CNTD1: variants seen among roughly 807,000 people sequenced by gnomAD.
CNTD1 encodes cyclin N-terminal domain-containing protein 1.
In CNTD1, 17 loss-of-function variants were observed where a neutral mutation model predicts 36.3. The ratio of observed to expected loss-of-function variants is 0.47; its 90% confidence interval spans 0.32 to 0.70. The LOEUF is 0.70. Ranked by LOEUF, CNTD1 falls within the 30% of genes least tolerant of loss-of-function variation. The pLI is 0.03. For missense variants in CNTD1, 338 were observed against 386.1 expected (o/e 0.88, Z 1.04); for synonymous variants, 128 against 153.3 (o/e 0.83, Z 1.22).
intron 6 of CNTD1, among the ~76,000 whole-genome samples, chr17:42,808,553 TAAAA>T (rs775660371): frequency 2.0e-5 from 2 of 99,912 alleles, no homozygotes. Flanking sequence ...CCCATCTCAT[TAAAA>T]AAAAAAAAAA....
rs535342634 is a variant in CNTD1 at position 42,799,204 on chromosome 17, G to T, written c.137G>T (p.Arg46Leu). 5.6e-6 allele frequency: 9 copies of T among 1,613,986 alleles called. No individual in the cohort carries two copies. In the African/African-American group the frequency reaches 1.1e-4, roughly 19 times the overall value. The change falls in exon 1 of 7, where the codon CGG becomes CTG. Residue 46 changes from arginine to leucine, a missense_variant. Transcript: ENST00000588408. Reference sequence around the variant, plus strand: ...CAAGCAGTGAGGGAGGCTTCGGGGCGGCTGGGCCGCTTCAGGGAGCCCCAG... The same window carrying T: ...CAAGCAGTGAGGGAGGCTTCGGGGCTGCTGGGCCGCTTCAGGGAGCCCCAG... ...NEQAVREASG[R>L]LGRFREPQIV... is the part of the protein sequence containing the mutation.
At chr17:42,798,790 G>A, upstream of CNTD1, 3 of 1,462,878 alleles carry the variant, frequency 2.1e-6, no homozygotes, top group Non-Finnish European at 2.7e-6. Flanking sequence ...CCTTTGCGGG[G>A]CAGAGCCGCG....
At position 42,804,378 on chromosome 17, in the gene CNTD1, A is replaced by G. The variant is rs2054843226; in HGVS notation, c.399A>G (p.Lys133=). 2 of 1,613,964 alleles carry G rather than the reference A, an allele frequency of 1.2e-6. No homozygotes were observed. The highest frequency in any genetic ancestry group is 1.7e-6 in the Non-Finnish European group (2 of 1,179,902). The change falls in exon 3 of 7, where the codon AAA becomes AAG. Residue 133 remains lysine, a synonymous_variant. Coordinates refer to ENST00000588408, the MANE Select transcript of CNTD1 (RefSeq NM_173478.3). The part of the protein sequence containing the change: ...RLVSCVQLAS[K]LSFRNKIISN... ...TGTCATGTGTTCAGCTGGCCAGCAA[A>G]CTTTCCTTCCGAAACAAAGTAAGGA...
rs145896591 is a variant in CNTD1 at position 42,799,187 on chromosome 17, G to A, written c.120G>A (p.Val40=). The change falls in exon 1 of 7, where the codon GTG becomes GTA. Residue 40 remains valine, a synonymous_variant. Transcript: ENST00000588408. ...TGGCCCAGCAGAATGAGCAAGCAGT[G>A]AGGGAGGCTTCGGGGCGGCTGGGCC... ...LHLAQQNEQA[V]REASGRLGRF... The A allele has an allele frequency of 6.8e-6, 11 of 1,614,032 alleles. No homozygotes were observed. In the Admixed American group the frequency reaches 1.3e-4, roughly 20 times the overall value.
rs756525112 is a variant in CNTD1, at chr17:42,809,404, G to A, written c.862G>A (p.Ala288Thr). The change falls in exon 7 of 7, where the codon GCA becomes ACA. Residue 288 changes from alanine (A) to threonine (T), a missense_variant. Coordinates refer to ENST00000588408, the MANE Select transcript of CNTD1 (RefSeq NM_173478.3). ...GCAGAGCATCACTGGTATTGCCTTG[G>A]CAAGCATTGCTGAGTTCTCTTATGC... ...HLQSITGIAL[A>T]SIAEFSYAIL... is the part of the protein sequence containing the mutation. 1 of 1,614,092 alleles carries A rather than the reference G, an allele frequency of 6.2e-7. No individual in the cohort carries two copies. Among genetic ancestry groups the A allele is most frequent in the Admixed American group, 1.7e-5 (1 of 60,018 alleles).
upstream of CNTD1, chr17:42,798,787 G>A (rs551890376): frequency 6.8e-7 from 1 of 1,467,280 alleles, no homozygotes; most frequent in Middle Eastern, 2.4e-4. Flanking sequence ...TGCCCTTTGC[G>A]GGGCAGAGCC....
At chr17:42,801,506 A>ATAT in intron 1 of CNTD1, among the ~76,000 whole-genome samples, 2 of 52,724 alleles carry the variant, frequency 3.8e-5, no homozygotes, top group African/African-American at 1.6e-4. Context: ...AAAAAAAAAA[A>ATAT]AAAAATATAT....
Position 42,809,446 on chromosome 17 carries a change from G to A in CNTD1, c.904G>A (p.Val302Met), listed in dbSNP as rs764343401. 1.2e-6 allele frequency: 2 copies of A among 1,614,080 alleles called. No individual in the cohort carries two copies. The highest frequency in any genetic ancestry group is 1.3e-5 in the African/African-American group (1 of 74,948). The change falls in exon 7 of 7, where the codon GTG (valine) becomes ATG (methionine). Residue 302 changes from valine (V) to methionine (M), a missense_variant. Physicochemically the swap from Val to Met is conservative, Grantham distance 21. Transcript: ENST00000588408. ...EFSYAILTHG[V>M]GANTPGRQQS... ...CTCTTATGCAATCCTGACTCACGGA[G>A]TGGGAGCCAACACTCCGGGGAGACA...
rs201778369 is a variant in CNTD1, at chr17:42,799,199, G to C, written c.132G>C (p.Ser44=). ...ATGAGCAAGCAGTGAGGGAGGCTTC[G>C]GGGCGGCTGGGCCGCTTCAGGGAGC... ...QQNEQAVREA[S]GRLGRFREPQ... is the part of the protein sequence containing the mutation. Residue 44 remains serine, a synonymous_variant, in exon 1 of 7, where the codon TCG becomes TCC. Transcript: ENST00000588408. The C allele has an allele frequency of 9.3e-6, 15 of 1,613,978 alleles. No individual in the cohort carries two copies. The highest frequency in any genetic ancestry group is 1.2e-5 in the Non-Finnish European group (14 of 1,179,956).
chr17:42,799,030 C>T lies in CNTD1; in HGVS notation c.-38C>T, dbSNP rs773826186. Reference sequence around the variant, plus strand: ...AGCTAAGGGGGTCGGTATGTGGATCCAGTGAACCCGTCCAGGTGCCCCAAG... The same window carrying T: ...AGCTAAGGGGGTCGGTATGTGGATCTAGTGAACCCGTCCAGGTGCCCCAAG... On this transcript the variant is annotated 5_prime_UTR_variant, in exon 1 of 7. It introduces an in-frame stop codon into an upstream open reading frame of the 5' UTR. Coordinates refer to ENST00000588408, the MANE Select transcript of CNTD1 (RefSeq NM_173478.3). 8.0e-5 allele frequency: 128 copies of T among 1,608,208 alleles called. No individual in the cohort carries two copies. Among genetic ancestry groups the T allele is most frequent in the Admixed American group, 2.4e-4 (14 of 59,046 alleles).
chr17:42,811,024 ATCTATTAAAGAACACTTGGTG>A lies in CNTD1; in HGVS notation c.*1490_*1510del, dbSNP rs2054990213. The A allele has an allele frequency of 2.3e-6, 3 of 1,280,186 alleles. No homozygotes were observed. The highest frequency in any genetic ancestry group is 3.2e-6 in the Non-Finnish European group (3 of 950,100). The allele number at this position is 1,280,186 out of a possible 1,614,324, so 79.3% of individuals were successfully genotyped here. On this transcript the variant is annotated 3_prime_UTR_variant, in exon 7 of 7. Coordinates refer to ENST00000588408, the MANE Select transcript of CNTD1 (RefSeq NM_173478.3). ...ATCATGGGACCATTCACGTCATTTT[ATCTATTAAAGAACACTTGGTG>A]AGGAATGATAGTGTATTTTGGATTT...
Position 42,810,996 on chromosome 17 carries a change from T to C in CNTD1, c.*1461T>C. On this transcript the variant is annotated 3_prime_UTR_variant, in exon 7 of 7. Coordinates refer to ENST00000588408, the MANE Select transcript of CNTD1 (RefSeq NM_173478.3). ...AGTTAAGTAAGTTCGGGGCAGGGAC[T>C]TGATCATGGGACCATTCACGTCATT... The C allele has an allele frequency of 1.4e-6, 2 of 1,435,182 alleles. No homozygotes were observed. Among genetic ancestry groups the C allele is most frequent in the Admixed American group, 2.3e-5 (1 of 44,310 alleles). 88.9% of individuals were successfully genotyped at this position (1,435,182 alleles called of 1,614,324 possible).
rs1250027421 is a variant in CNTD1, at chr17:42,799,827, A to G, written c.169+591A>G. Among the ~76,000 whole-genome samples the G allele has an allele frequency of 7.2e-5, 9 of 124,476 alleles. No individual in the cohort carries two copies. The Admixed American group carries it at 7.5e-4, about 10-fold the overall frequency. 81.7% of individuals were successfully genotyped at this position (124,476 alleles called of 152,430 possible). ...ACGCCTGTAATCCCAGCATTTTGGG[A>G]GGCTGAGGCGGGCAGATCACGAGGT... is the stretch of plus-strand genomic sequence containing the variant. On this transcript the variant is annotated intron_variant, in intron 1 of 6. Coordinates refer to ENST00000588408, the MANE Select transcript of CNTD1 (RefSeq NM_173478.3).
intron 1 of CNTD1, among the ~76,000 whole-genome samples, chr17:42,803,340 A>G (rs2054825199): frequency 1.3e-5 from 2 of 152,218 alleles, no homozygotes; most frequent in South Asian, 4.1e-4. Context: ...GTAACTGGCC[A>G]AGCCTTTTAT....
At position 42,807,884 on chromosome 17, in the gene CNTD1, AC is replaced by A; in HGVS notation, c.822+22del. On this transcript the variant is annotated intron_variant, in intron 6 of 6. Coordinates refer to ENST00000588408, the MANE Select transcript of CNTD1 (RefSeq NM_173478.3). ...AGCCAGGTATGCACCACTGAGCAGGACCAGCATGGTGAGAATTCATTTAACA... is the reference window on the plus strand; with the variant it reads ...AGCCAGGTATGCACCACTGAGCAGGACAGCATGGTGAGAATTCATTTAACA... 1 of 1,543,944 alleles carries A rather than the reference AC, an allele frequency of 6.5e-7. No individual in the cohort carries two copies. The highest frequency in any genetic ancestry group is 9.0e-7 in the Non-Finnish European group (1 of 1,116,466).
At chr17:42,801,633 T>C (rs987216425) in intron 1 of CNTD1, among the ~76,000 whole-genome samples, 2 of 148,232 alleles carry the variant, frequency 1.3e-5, no homozygotes, top group African/African-American at 2.5e-5. Context: ...TTGCAGAACA[T>C]CTAAAAGAAG....
Position 42,805,720 on chromosome 17 carries a change from A to G in CNTD1, c.418-2A>G. 1.2e-6 allele frequency: 2 copies of G among 1,609,148 alleles called. No homozygotes were observed. Among genetic ancestry groups the G allele is most frequent in the Non-Finnish European group, 1.7e-6 (2 of 1,178,004 alleles). ...TTCTTTCCCTCTCTTTTCTTTGCTC[A>G]GATAATCAGCAACATTACAGTCTTG... On this transcript the variant is annotated splice_acceptor_variant, in intron 3 of 6. Transcript: ENST00000588408. LOFTEE classifies it high-confidence loss of function.
At chr17:42,802,499 A>G (rs544147064) in intron 1 of CNTD1, among the ~76,000 whole-genome samples, 1 of 152,372 alleles carries the variant, frequency 6.6e-6, no homozygotes, top group East Asian at 1.9e-4. Context: ...AATAAAGCCT[A>G]AAGTCCAGCA....
rs748783042 is a variant in CNTD1, at chr17:42,801,495, CAAAA to C, written c.170-2112_170-2109del. Among the ~76,000 whole-genome samples, 64 of 35,292 alleles carry C rather than the reference CAAAA, an allele frequency of 1.8e-3. 1 individual carries two copies. Among genetic ancestry groups the C allele is most frequent in the African/African-American group, 6.3e-3 (35 of 5,514 alleles). 23.2% of individuals were successfully genotyped at this position (35,292 alleles called of 152,430 possible). A position where few individuals can be genotyped will look rare whatever the true frequency, so the allele number is the denominator to read the frequency against. On this transcript the variant is annotated intron_variant, in intron 1 of 6. Coordinates refer to ENST00000588408, the MANE Select transcript of CNTD1 (RefSeq NM_173478.3). Reference sequence around the variant, plus strand: ...TGGGTAACAGAGTGAGACCTTGTCTCAAAAAAAAAAAAAAAATATATATATATAT... The same window carrying C: ...TGGGTAACAGAGTGAGACCTTGTCTCAAAAAAAAAAAATATATATATATAT...
Sources: allele counts gnomAD v4.1 joint callset (sites outside exome capture counted in the v4.1 genomes callset), GRCh38; gene constraint gnomAD v4.1.1; transcripts MANE v1.5; gene names NCBI Gene and HGNC (gene_info 2026-07-23, HGNC 2026-07-21).